Variants in KSR2 observed in about 807,000 individuals in gnomAD.
KSR2 encodes kinase suppressor of ras 2.
A neutral mutation model predicts 107.8 loss-of-function variants in KSR2; 25 were observed. The observed-to-expected ratio is 0.23, with a 90% CI of 0.17 to 0.32. KSR2 has a LOEUF of 0.32. Ranked by LOEUF, KSR2 falls within the 10% of genes least tolerant of loss-of-function variation. KSR2 has a pLI of 1.00. For missense variants in KSR2, 887 were observed against 1,268.9 expected (o/e 0.70, Z 4.57); for synonymous variants, 480 against 507.0 (o/e 0.95, Z 0.71).
intron 3 of KSR2, among the ~76,000 whole-genome samples, chr12:117,762,894 TTTA>T (rs1889094572): frequency 1.3e-5 from 2 of 152,020 alleles, no homozygotes; most frequent in South Asian, 4.2e-4. Flanking sequence ...TTTTTTTTAT[TTTA>T]TTATTATTAT....
chr12:117,455,415 A>C lies in KSR2; in HGVS notation c.*11784T>G, dbSNP rs1305998822. 6.6e-6 allele frequency: 1 copy of C among 152,216 alleles called. No individual in the cohort carries two copies. The highest frequency in any genetic ancestry group is 1.5e-5 in the Non-Finnish European group (1 of 68,050). 9.4% of individuals were successfully genotyped at this position (152,216 alleles called of 1,614,324 possible). A position where few individuals can be genotyped will look rare whatever the true frequency, so the allele number is the denominator to read the frequency against. ...ACATAGGCTGTTCCTTCTGTCTGACACACCGTTCCCTACCATTCTACTCAA... is the reference window on the plus strand; with the variant it reads ...ACATAGGCTGTTCCTTCTGTCTGACCCACCGTTCCCTACCATTCTACTCAA... On this transcript the variant is annotated 3_prime_UTR_variant, in exon 20 of 20. Transcript: ENST00000339824.
rs1006421623 is a variant in KSR2 at position 117,905,096 on chromosome 12, T to A, written c.181-44665A>T. Among the ~76,000 whole-genome samples the A allele has an allele frequency of 2.0e-5, 3 of 152,088 alleles. 1 individual carries two copies. The highest frequency in any genetic ancestry group is 4.4e-5 in the Non-Finnish European group (3 of 68,016). ...ACTCAGGAGGCTAAGGCAGGAGAATTGCTTGAACCTGGGAGGCGGAGGTTG... is the reference window on the plus strand; with the variant it reads ...ACTCAGGAGGCTAAGGCAGGAGAATAGCTTGAACCTGGGAGGCGGAGGTTG... On this transcript the variant is annotated intron_variant, in intron 1 of 19. Coordinates refer to ENST00000339824, the MANE Select transcript of KSR2 (RefSeq NM_173598.6).
intron 3 of KSR2, among the ~76,000 whole-genome samples, chr12:117,768,984 G>A (rs11068675): frequency 0.13 from 19,373 of 152,094 alleles, 2,269 homozygotes; most frequent in African/African-American, 0.32. Flanking sequence ...CACAGTGGCC[G>A]GTGGCACTGA....
chr12:117,694,471 T>C (rs533368233), intron 4 of KSR2, among the ~76,000 whole-genome samples: 70 of 152,346 alleles, frequency 4.6e-4, no homozygotes, highest in South Asian at 3.3e-3. Context: ...AACCTCTTTT[T>C]CTTTATAAAT....
At position 117,831,849 on chromosome 12, in the gene KSR2, T is replaced by C. The variant is rs569378870; in HGVS notation, c.472+23579A>G. 2.0e-5 allele frequency among the ~76,000 whole-genome samples: 3 copies of C among 152,358 alleles called. No individual in the cohort carries two copies. The South Asian group carries it at 6.2e-4, about 32-fold the overall frequency. ...CAGGAGGTACTTAATAAATGCTGGT[T>C]AAAGCTGAATGCATAGGTCAATTGC... On this transcript the variant is annotated intron_variant, in intron 3 of 19. Coordinates refer to ENST00000339824, the MANE Select transcript of KSR2 (RefSeq NM_173598.6).
chr12:117,714,512 G>C (rs1010593723), intron 4 of KSR2, among the ~76,000 whole-genome samples: 9 of 152,178 alleles, frequency 5.9e-5, no homozygotes, highest in Non-Finnish European at 1.3e-4. Context: ...CCTATTTTGT[G>C]CCTGCAACTT....
At chr12:117,636,687 G>C (rs905561680) in intron 5 of KSR2, among the ~76,000 whole-genome samples, 1 of 152,154 alleles carries the variant, frequency 6.6e-6, no homozygotes, top group Non-Finnish European at 1.5e-5. Flanking sequence ...AAATGTGAAA[G>C]GCAAAACTTC....
intron 5 of KSR2, among the ~76,000 whole-genome samples, chr12:117,657,695 A>G (rs966275292): frequency 5.3e-5 from 8 of 152,224 alleles, no homozygotes; most frequent in Non-Finnish European, 1.0e-4. Flanking sequence ...GAGGGCAACA[A>G]GTAGAATTCT....
intron 1 of KSR2, among the ~76,000 whole-genome samples, chr12:117,966,363 G>C (rs150251254): frequency 6.6e-6 from 1 of 152,246 alleles, no homozygotes; most frequent in East Asian, 1.9e-4. Context: ...CTTGGGCACT[G>C]TTCAGGCAGA....
intron 14 of KSR2, among the ~76,000 whole-genome samples, chr12:117,508,847 T>C (rs1873859360): frequency 7.2e-6 from 1 of 138,962 alleles, no homozygotes; most frequent in Admixed American, 7.4e-5. Flanking sequence ...GTTAAACAGA[T>C]GGGTGGATGT....
chr12:117,959,296 C>T (rs1466688752), intron 1 of KSR2, among the ~76,000 whole-genome samples: 1 of 152,172 alleles, frequency 6.6e-6, no homozygotes, highest in African/African-American at 2.4e-5. Flanking sequence ...CAATCTATTC[C>T]ACCTCCAGTC....
chr12:117,823,953 G>C (rs1891649666), intron 3 of KSR2, among the ~76,000 whole-genome samples: 1 of 152,094 alleles, frequency 6.6e-6, no homozygotes, highest in Non-Finnish European at 1.5e-5. Flanking sequence ...TGCAACCCCA[G>C]GTTTATTGCA....
At chr12:117,891,753 G>A (rs944428348) in intron 1 of KSR2, among the ~76,000 whole-genome samples, 1 of 151,656 alleles carries the variant, frequency 6.6e-6, no homozygotes, top group African/African-American at 2.4e-5. Flanking sequence ...TTGGGAGGCC[G>A]AGGAGAGAGG....
At chr12:117,535,725 C>T (rs1876005136) in intron 10 of KSR2, among the ~76,000 whole-genome samples, 1 of 151,756 alleles carries the variant, frequency 6.6e-6, no homozygotes, top group African/African-American at 2.4e-5. Flanking sequence ...AACACTCCAG[C>T]CTCAGAAACC....
intron 1 of KSR2, among the ~76,000 whole-genome samples, chr12:117,863,716 C>T (rs1002206220): frequency 6.6e-6 from 1 of 152,164 alleles, no homozygotes; most frequent in Non-Finnish European, 1.5e-5. Flanking sequence ...AGTCCCAAAT[C>T]AGTCTCACGG....
At chr12:117,700,117 G>A (rs927165080) in intron 4 of KSR2, among the ~76,000 whole-genome samples, 1 of 151,586 alleles carries the variant, frequency 6.6e-6, no homozygotes, top group African/African-American at 2.4e-5. Context: ...CTGATCTTAA[G>A]TGATCTGCCT....
chr12:117,560,881 C>A (rs2137359577), intron 7 of KSR2, among the ~76,000 whole-genome samples: 1 of 152,282 alleles, frequency 6.6e-6, no homozygotes, highest in East Asian at 1.9e-4. Context: ...CCTGCTCCCC[C>A]TTCTCCTTCT....
At chr12:117,562,109 T>A (rs1448321321) in intron 7 of KSR2, among the ~76,000 whole-genome samples, 1 of 152,050 alleles carries the variant, frequency 6.6e-6, no homozygotes, top group African/African-American at 2.4e-5. Context: ...TGGGTAGGTG[T>A]CAAGGGTAGG....
At chr12:117,658,742 A>G (rs1035888866) in intron 5 of KSR2, among the ~76,000 whole-genome samples, 6 of 152,184 alleles carry the variant, frequency 3.9e-5, no homozygotes, top group African/African-American at 1.4e-4. Flanking sequence ...GGCTGCCAGA[A>G]GAGGACCAGG....
Sources: allele counts gnomAD v4.1 joint callset (sites outside exome capture counted in the v4.1 genomes callset), GRCh38; gene constraint gnomAD v4.1.1; transcripts MANE v1.5; gene names NCBI Gene and HGNC (gene_info 2026-07-23, HGNC 2026-07-21).